Variants in PAN3 observed in about 807,000 individuals in gnomAD.
PAN3 encodes poly(A) specific ribonuclease subunit PAN3.
PAN3 carries 19 observed loss-of-function variants against 96.2 expected under a neutral mutation model. That is an observed-to-expected ratio of 0.20 (90% CI 0.14 to 0.29). The LOEUF (loss-of-function observed/expected upper bound fraction) is 0.29. Ranked by LOEUF, PAN3 falls within the 10% of genes least tolerant of loss-of-function variation. The pLI is 1.00. For synonymous variants in PAN3, 433 were observed against 406.6 expected, an observed-to-expected ratio of 1.06 and a Z score of -0.78; for missense variants, 882 against 1,108.1, an observed-to-expected ratio of 0.80 and a Z score of 2.90.
chr13:28,257,778 TTATA>T (rs1346198330), intron 7 of PAN3, among the ~76,000 whole-genome samples: 1 of 139,572 alleles, frequency 7.2e-6, no homozygotes, highest in Non-Finnish European at 1.5e-5. Flanking sequence ...TATATATAAA[TTATA>T]TATAATATAT....
intron 4 of PAN3, among the ~76,000 whole-genome samples, chr13:28,190,520 A>G (rs1449046008): frequency 6.6e-6 from 1 of 152,148 alleles, no homozygotes. Flanking sequence ...TTGGCCTTCC[A>G]GAGTGCTAGG....
At position 28,138,999 on chromosome 13, in the gene PAN3, C is replaced by T; in HGVS notation, c.342C>T (p.Pro114=). The part of the protein sequence containing the change: ...AGGGAGPPPG[P]KKPDLGDPGT... ...GGGGAGCTGGGCCGCCCCCCGGGCC[C>T]AAGAAGCCGGACCTGGGGGACCCGG... The change falls in exon 1 of 19, where the codon CCC becomes CCT. Residue 114 remains proline (P), a synonymous_variant. Transcript: ENST00000380958. 7.9e-7 allele frequency: 1 copy of T among 1,271,956 alleles called. No individual in the cohort carries two copies. The highest frequency in any genetic ancestry group is 9.9e-7 in the Non-Finnish European group (1 of 1,009,346). The allele number at this position is 1,271,956 out of a possible 1,614,324, so 78.8% of individuals were successfully genotyped here. A position where few individuals can be genotyped will look rare whatever the true frequency, so the allele number is the denominator to read the frequency against.
intron 1 of PAN3, among the ~76,000 whole-genome samples, chr13:28,156,155 G>T (rs9554278): frequency 0.12 from 18,146 of 151,788 alleles, 1,239 homozygotes; most frequent in East Asian, 0.33. Flanking sequence ...AAATAAGATT[G>T]CTAGACTGCT....
chr13:28,189,539 C>A (rs7319452), intron 4 of PAN3, among the ~76,000 whole-genome samples: 30,674 of 105,020 alleles, frequency 0.29, 5,172 homozygotes, highest in African/African-American at 0.55. Context: ...CAAAACAAAA[C>A]AAAAAAACTC....
chr13:28,174,918 G>C (rs9582009), intron 2 of PAN3, among the ~76,000 whole-genome samples: 8,552 of 152,114 alleles, frequency 0.056, 313 homozygotes, highest in South Asian at 0.15. Flanking sequence ...TAAAGTCATA[G>C]TACTTGGAGC....
At chr13:28,185,397 G>A (rs1159757384) in intron 4 of PAN3, among the ~76,000 whole-genome samples, 1 of 152,178 alleles carries the variant, frequency 6.6e-6, no homozygotes, top group Non-Finnish European at 1.5e-5. Flanking sequence ...AGATAAAGAT[G>A]TACTTTGGAA....
rs540149659 is a variant in PAN3, at chr13:28,144,856, A to G, written c.430+5769A>G. ...CTGCCTCAGCTCCCAAGTAGCTGGG[A>G]TTACAGGAGCCTGCCACCGCGACTG... is the stretch of plus-strand genomic sequence containing the variant. On this transcript the variant is annotated intron_variant, in intron 1 of 18. Transcript: ENST00000380958. Among the ~76,000 whole-genome samples, 5 of 149,494 alleles carry G rather than the reference A, an allele frequency of 3.3e-5. No homozygotes were observed. The East Asian group carries it at 1.0e-3, about 31-fold the overall frequency.
At chr13:28,145,911 C>T (rs1275733564) in intron 1 of PAN3, among the ~76,000 whole-genome samples, 1 of 150,576 alleles carries the variant, frequency 6.6e-6, no homozygotes, top group African/African-American at 2.5e-5. Flanking sequence ...GGATTACAGG[C>T]TTGCGCCACC....
chr13:28,227,247 G>T (rs919030251), intron 6 of PAN3, among the ~76,000 whole-genome samples: 5 of 152,188 alleles, frequency 3.3e-5, no homozygotes, highest in African/African-American at 1.2e-4. Context: ...GACCTGTCAG[G>T]TAAGGCTTAA....
chr13:28,199,235 GT>G (rs1234885158), intron 5 of PAN3, among the ~76,000 whole-genome samples: 1 of 152,124 alleles, frequency 6.6e-6, no homozygotes, highest in Non-Finnish European at 1.5e-5. Context: ...CTTGTAGGTT[GT>G]GGGGGTGAAA....
intron 1 of PAN3, among the ~76,000 whole-genome samples, chr13:28,147,210 G>C (rs1200625578): frequency 2.0e-5 from 3 of 152,112 alleles, no homozygotes; most frequent in African/African-American, 2.4e-5. Flanking sequence ...TAGTCATTCG[G>C]TCTGTGTGAA....
In PAN3 at chr13:28,202,485, C is replaced by T. The variant is rs1002809208; in HGVS notation, c.852+5139C>T. On this transcript the variant is annotated intron_variant, in intron 5 of 18. Transcript: ENST00000380958. ...TCCATCCATATATACTACATCCTAA[C>T]CATATGAGGTCTTTTATGTTACATA... Among the ~76,000 whole-genome samples the T allele has an allele frequency of 2.0e-5, 3 of 152,094 alleles. No individual in the cohort carries two copies. The East Asian group carries it at 5.8e-4, about 29-fold the overall frequency.
intron 4 of PAN3, among the ~76,000 whole-genome samples, chr13:28,180,587 A>G (rs978187224): frequency 3.3e-5 from 5 of 152,208 alleles, no homozygotes; most frequent in Non-Finnish European, 7.4e-5. Flanking sequence ...TGTAATTCCA[A>G]ATTTATCTCA....
intron 4 of PAN3, among the ~76,000 whole-genome samples, chr13:28,179,916 ATTC>A (rs1422581481): frequency 6.6e-6 from 1 of 152,128 alleles, no homozygotes; most frequent in African/African-American, 2.4e-5. Flanking sequence ...TATAGTACCT[ATTC>A]TTTTTATAAT....
intron 1 of PAN3, among the ~76,000 whole-genome samples, chr13:28,149,625 T>A (rs376581075): frequency 6.6e-6 from 1 of 151,190 alleles, no homozygotes; most frequent in African/African-American, 2.5e-5. Flanking sequence ...TTTGTTTTGC[T>A]TTGTTTTTAG....
chr13:28,153,201 A>T (rs1428046450), intron 1 of PAN3, among the ~76,000 whole-genome samples: 1 of 151,938 alleles, frequency 6.6e-6, no homozygotes, highest in East Asian at 1.9e-4. Context: ...ACTAAATAGG[A>T]AGAAGAAGTT....
At chr13:28,214,616 A>G in intron 5 of PAN3, 1 of 421,376 alleles carries the variant, frequency 2.4e-6, no homozygotes, top group South Asian at 2.1e-5. Flanking sequence ...TGGTGGAATC[A>G]ACAAAAGAAT....
At chr13:28,246,881 C>T (rs572533895) in intron 6 of PAN3, among the ~76,000 whole-genome samples, 2 of 152,196 alleles carry the variant, frequency 1.3e-5, no homozygotes, top group East Asian at 3.9e-4. Flanking sequence ...CTGCAATAAA[C>T]GTGGGAATGT....
At chr13:28,282,658 C>T (rs150145860) in intron 17 of PAN3, among the ~76,000 whole-genome samples, 1 of 152,282 alleles carries the variant, frequency 6.6e-6, no homozygotes, top group East Asian at 1.9e-4. Flanking sequence ...AACACCTCTC[C>T]CATGCGGTCA....
Sources: allele counts gnomAD v4.1 joint callset (sites outside exome capture counted in the v4.1 genomes callset), GRCh38; gene constraint gnomAD v4.1.1; transcripts MANE v1.5; gene names NCBI Gene and HGNC (gene_info 2026-07-23, HGNC 2026-07-21).